The following ETV6 variants were observed in gnomAD, a reference collection of about 807,000 sequenced individuals.
ETV6 encodes the protein ETS variant transcription factor 6.
In ETV6, 16 loss-of-function variants were observed where a neutral mutation model predicts 51.1. The observed-to-expected ratio is 0.31, with a 90% CI of 0.21 to 0.48. ETV6 has a LOEUF of 0.48. Ranked by LOEUF, ETV6 falls within the 20% of genes least tolerant of loss-of-function variation. The pLI, the probability that ETV6 is intolerant of heterozygous loss-of-function variation, is 0.99. For synonymous variants in ETV6, 240 were observed against 224.1 expected (o/e 1.07, Z -0.64); for missense variants, 458 against 594.8 (o/e 0.77, Z 2.39).
chr12:11,871,345 T>C (rs375536781), intron 5 of ETV6, among the ~76,000 whole-genome samples: 62 of 152,156 alleles, frequency 4.1e-4, no homozygotes, highest in South Asian at 2.1e-3. Context: ...CCCGCCACCA[T>C]GCCCGGCTAA....
In ETV6 at chr12:11,659,848, G is replaced by A. The variant is rs1310412465; in HGVS notation, c.33+9688G>A. 2.6e-5 allele frequency among the ~76,000 whole-genome samples: 4 copies of A among 152,182 alleles called. No individual in the cohort carries two copies. In the East Asian group the frequency reaches 5.8e-4, roughly 22 times the overall value. On this transcript the variant is annotated intron_variant, in intron 1 of 7. Transcript: ENST00000396373. ...TGCTAAGAGGTGAGGAAGGAAGAGG[G>A]AGGGCCCAGAGCTGCCCACCTCACT...
intron 2 of ETV6, among the ~76,000 whole-genome samples, chr12:11,804,289 C>A (rs571963854): frequency 9.2e-5 from 14 of 152,300 alleles, no homozygotes; most frequent in Admixed American, 6.5e-4. Flanking sequence ...TAAGATAAAT[C>A]AGACTGTTAC....
At chr12:11,737,895 TA>T in intron 1 of ETV6, among the ~76,000 whole-genome samples, 1 of 152,256 alleles carries the variant, frequency 6.6e-6, no homozygotes, top group East Asian at 1.9e-4. Flanking sequence ...GGGGGAAGCA[TA>T]AATGTGGAGG....
chr12:11,875,400 A>G (rs1946967865), intron 5 of ETV6, among the ~76,000 whole-genome samples: 2 of 152,216 alleles, frequency 1.3e-5, no homozygotes, highest in South Asian at 2.1e-4. Flanking sequence ...TCTACTTGGT[A>G]TCTTTAAGAA....
chr12:11,658,914 A>G (rs1447931807), intron 1 of ETV6, among the ~76,000 whole-genome samples: 1 of 152,224 alleles, frequency 6.6e-6, no homozygotes, highest in African/African-American at 2.4e-5. Context: ...TAGCATTATT[A>G]CTCAGCGCTC....
In ETV6 at chr12:11,893,363, CT is replaced by C. The variant is rs1565572833; in HGVS notation, c.*2319del. The C allele has an allele frequency of 4.6e-6, 1 of 216,890 alleles. No individual in the cohort carries two copies. Among genetic ancestry groups the C allele is most frequent in the East Asian group, 6.4e-5 (1 of 15,732 alleles). The allele number at this position is 216,890 out of a possible 1,614,324, so 13.4% of individuals were successfully genotyped here. A position where few individuals can be genotyped will look rare whatever the true frequency, so the allele number is the denominator to read the frequency against. On this transcript the variant is annotated 3_prime_UTR_variant, in exon 8 of 8. Transcript: ENST00000396373. ...CTCAGTCTCTTACTGTTCAAAGAAT[CT>C]TAACAGTTGAATTATGGAGGGAAAT...
At chr12:11,674,615 TTGTGTGTG>T (rs5796457) in intron 1 of ETV6, among the ~76,000 whole-genome samples, 2,492 of 133,200 alleles carry the variant, frequency 0.019, 51 homozygotes, top group East Asian at 0.11. Context: ...TAGGGGTTAT[TTGTGTGTG>T]TGTGTGTGTG....
In ETV6 at chr12:11,893,827, TATATATATATATATACAC is replaced by T. The variant is rs1259577587; in HGVS notation, c.*2783_*2800del. The T allele has an allele frequency of 5.0e-5, 5 of 100,352 alleles. No homozygotes were observed. Among genetic ancestry groups the T allele is most frequent in the East Asian group, 1.8e-4 (1 of 5,640 alleles). The allele number at this position is 100,352 out of a possible 1,614,324, so 6.2% of individuals were successfully genotyped here. A position where few individuals can be genotyped will look rare whatever the true frequency, so the allele number is the denominator to read the frequency against. On this transcript the variant is annotated 3_prime_UTR_variant, in exon 8 of 8. Coordinates refer to ENST00000396373, the MANE Select transcript of ETV6 (RefSeq NM_001987.5). ...ATATATATATATATATATATATATA[TATATATATATATATACAC>T]ACACACACACATACACAAATATTCC...
intron 7 of ETV6, among the ~76,000 whole-genome samples, chr12:11,889,755 C>T (rs540394018): frequency 5.3e-5 from 8 of 152,272 alleles, no homozygotes; most frequent in South Asian, 4.2e-4. Context: ...CAGAAAGACC[C>T]GATGAGCAGA....
chr12:11,658,102 TTA>T (rs1864034766), intron 1 of ETV6, among the ~76,000 whole-genome samples: 1 of 152,198 alleles, frequency 6.6e-6, no homozygotes, highest in Admixed American at 6.5e-5. Flanking sequence ...ATGTAGTGCT[TTA>T]TACTGTTAAA....
At chr12:11,845,977 G>C (rs968324546) in intron 3 of ETV6, among the ~76,000 whole-genome samples, 11 of 148,060 alleles carry the variant, frequency 7.4e-5, no homozygotes, top group African/African-American at 2.8e-4. Context: ...GGGCAACAGA[G>C]TGAGACTCCG....
chr12:11,695,042 A>G (rs180886033), intron 1 of ETV6, among the ~76,000 whole-genome samples: 1 of 152,362 alleles, frequency 6.6e-6, no homozygotes, highest in Admixed American at 6.5e-5. Context: ...GTCAAAGGAT[A>G]CCGAAGACAG....
chr12:11,680,700 C>T (rs935136520), intron 1 of ETV6, among the ~76,000 whole-genome samples: 2 of 152,190 alleles, frequency 1.3e-5, no homozygotes, highest in South Asian at 4.1e-4. Context: ...GCATTTTCCC[C>T]AGGCGTTGGT....
chr12:11,814,208 TTAAA>T (rs939884792), intron 2 of ETV6, among the ~76,000 whole-genome samples: 3 of 152,234 alleles, frequency 2.0e-5, no homozygotes, highest in Admixed American at 1.3e-4. Flanking sequence ...TTAAATTGTG[TTAAA>T]TAGAGTTTTT....
chr12:11,843,743 A>G (rs1485650118), intron 3 of ETV6, among the ~76,000 whole-genome samples: 4 of 152,168 alleles, frequency 2.6e-5, no homozygotes, highest in African/African-American at 9.7e-5. Context: ...TAACAAATTT[A>G]TCGCATCTAC....
At chr12:11,786,035 T>A (rs1945478949) in intron 2 of ETV6, among the ~76,000 whole-genome samples, 1 of 152,156 alleles carries the variant, frequency 6.6e-6, no homozygotes, top group African/African-American at 2.4e-5. Flanking sequence ...CCACATATCC[T>A]GGGAGGAAGG....
chr12:11,880,350 T>C (rs1374712334), intron 5 of ETV6, among the ~76,000 whole-genome samples: 1 of 152,236 alleles, frequency 6.6e-6, no homozygotes. Context: ...AGGAAAAGTT[T>C]GCCGGATACA....
chr12:11,872,409 C>G (rs746612162), intron 5 of ETV6, among the ~76,000 whole-genome samples: 8 of 152,102 alleles, frequency 5.3e-5, no homozygotes, highest in African/African-American at 1.9e-4. Context: ...TCAAGAAAGA[C>G]ACATGGTTTA....
At chr12:11,852,908 C>T (rs748903640) in intron 3 of ETV6, among the ~76,000 whole-genome samples, 6 of 152,098 alleles carry the variant, frequency 3.9e-5, no homozygotes, top group Non-Finnish European at 8.8e-5. Flanking sequence ...TTTTTGGGGC[C>T]GTGCACGGTA....
Sources: allele counts gnomAD v4.1 joint callset (sites outside exome capture counted in the v4.1 genomes callset), GRCh38; gene constraint gnomAD v4.1.1; transcripts MANE v1.5; gene names NCBI Gene and HGNC (gene_info 2026-07-23, HGNC 2026-07-21).